ZC3H3: variants seen among roughly 807,000 people sequenced by gnomAD.
ZC3H3 encodes zinc finger CCCH-type containing 3.
ZC3H3 carries 36 observed loss-of-function variants against 77.3 expected under a neutral mutation model. The ratio of observed to expected loss-of-function variants is 0.47; its 90% CI spans 0.36 to 0.61. ZC3H3 has a LOEUF of 0.61. Ranked by LOEUF, ZC3H3 falls within the 20% of genes least tolerant of loss-of-function variation. The probability of loss-of-function intolerance (pLI) is 0.00; values close to 1 mark genes in which losing one functional copy is unlikely to be tolerated. For missense variants in ZC3H3, 1,331 were observed against 1,312.2 expected, an observed-to-expected ratio of 1.01 and a Z score of -0.22; for synonymous variants, 626 against 555.2, an observed-to-expected ratio of 1.13 and a Z score of -1.79.
At chr8:143,509,405 G>T (rs1383884061) in intron 3 of ZC3H3, among the ~76,000 whole-genome samples, 1 of 152,226 alleles carries the variant, frequency 6.6e-6, no homozygotes, top group Non-Finnish European at 1.5e-5. Context: ...GGGCTGCCCG[G>T]CTGCTCCTGC....
chr8:143,501,136 A>G (rs444753), intron 4 of ZC3H3, among the ~76,000 whole-genome samples: 2 of 151,196 alleles, frequency 1.3e-5, no homozygotes, highest in South Asian at 4.2e-4. Context: ...AGATGTCAAC[A>G]TAAGTTTTGG....
intron 4 of ZC3H3, among the ~76,000 whole-genome samples, chr8:143,492,025 G>A (rs1415215913): frequency 6.6e-6 from 1 of 152,202 alleles, no homozygotes; most frequent in Non-Finnish European, 1.5e-5. Flanking sequence ...GGGGAGGAGG[G>A]CAGAGAAGGA....
intron 1 of ZC3H3, among the ~76,000 whole-genome samples, chr8:143,540,816 C>G (rs1822986704): frequency 6.6e-6 from 1 of 152,144 alleles, no homozygotes; most frequent in Admixed American, 6.5e-5. Context: ...ATTAGCCAGG[C>G]GTTCTGGCGC....
intron 5 of ZC3H3, among the ~76,000 whole-genome samples, chr8:143,473,872 G>T (rs766444123): frequency 2.6e-5 from 4 of 152,178 alleles, no homozygotes; most frequent in African/African-American, 4.8e-5. Context: ...CTGGCCAGGG[G>T]CTTATACTTC....
rs937175945 is a variant in ZC3H3 at position 143,460,231 on chromosome 8, G to C, written c.2307+5486C>G. On this transcript the variant is annotated intron_variant, in intron 9 of 11. Coordinates refer to ENST00000262577, the MANE Select transcript of ZC3H3 (RefSeq NM_015117.3). This position sits in a 1 kb window ranked among gnomAD's most constrained non-coding sequence, Gnocchi z 4.0. ...CCATTGCACTCCAGCCTGGGCGACA[G>C]AGTGAGACTATGTCTCAAAAATAAA... 2.6e-5 allele frequency among the ~76,000 whole-genome samples: 4 copies of C among 151,240 alleles called. No individual in the cohort carries two copies. Among genetic ancestry groups the C allele is most frequent in the Admixed American group, 2.0e-4 (3 of 15,128 alleles).
intron 3 of ZC3H3, among the ~76,000 whole-genome samples, chr8:143,512,891 G>A (rs898309474): frequency 6.6e-6 from 1 of 152,214 alleles, no homozygotes; most frequent in Non-Finnish European, 1.5e-5. Flanking sequence ...TACACGCAGC[G>A]GGCAGGACCC....
In ZC3H3 at chr8:143,506,068, G is replaced by A. The variant is rs367904673; in HGVS notation, c.1715+1678C>T. ...CCGGCTGCCACCTCCTCCTCCTCCC[G>A]GCCTCCTCAGCCCCAGGGCATGGGC... On this transcript the variant is annotated intron_variant, in intron 4 of 11. Transcript: ENST00000262577. Among the ~76,000 whole-genome samples the A allele has an allele frequency of 1.9e-3, 282 of 152,322 alleles. 1 individual carries two copies. Among genetic ancestry groups the A allele is most frequent in the African/African-American group, 6.6e-3 (273 of 41,568 alleles).
Position 143,477,039 on chromosome 8 carries a change from G to A in ZC3H3, c.1716-1454C>T, listed in dbSNP as rs186114757. ...CCACCCACGAGGAGCCAACAGACCTGGTGGTACTGGGGATGGAGCAGCCCT... is the reference window on the plus strand; with the variant it reads ...CCACCCACGAGGAGCCAACAGACCTAGTGGTACTGGGGATGGAGCAGCCCT... On this transcript the variant is annotated intron_variant, in intron 4 of 11. Coordinates refer to ENST00000262577, the MANE Select transcript of ZC3H3 (RefSeq NM_015117.3). Among the ~76,000 whole-genome samples, 25 of 152,312 alleles carry A rather than the reference G, an allele frequency of 1.6e-4. No individual in the cohort carries two copies. The East Asian group carries it at 4.3e-3, about 26-fold the overall frequency.
At chr8:143,467,042 A>G (rs930357390) in intron 8 of ZC3H3, among the ~76,000 whole-genome samples, 8 of 152,228 alleles carry the variant, frequency 5.3e-5, no homozygotes, top group Admixed American at 1.3e-4. Context: ...AAAGAAACAA[A>G]GGGTGATTTA....
At chr8:143,471,715 G>A (rs545590931) in intron 5 of ZC3H3, among the ~76,000 whole-genome samples, 47 of 152,252 alleles carry the variant, frequency 3.1e-4, no homozygotes, top group South Asian at 2.1e-3. Flanking sequence ...GTCCTCTGCC[G>A]TCAGGGGCCC....
intron 3 of ZC3H3, among the ~76,000 whole-genome samples, chr8:143,522,419 A>G (rs1171400945): frequency 6.6e-6 from 1 of 152,148 alleles, no homozygotes; most frequent in Non-Finnish European, 1.5e-5. Flanking sequence ...CTTGGCCAAC[A>G]TGGTGAAACC....
intron 3 of ZC3H3, 61 bp downstream of exon 3, chr8:143,536,196 G>C: frequency 1.3e-6 from 2 of 1,540,758 alleles, no homozygotes; most frequent in African/African-American, 1.4e-5. Flanking sequence ...CTCCTAACAC[G>C]CCAGCATATC....
At chr8:143,501,553 G>A (rs934438297) in intron 4 of ZC3H3, among the ~76,000 whole-genome samples, 6 of 148,656 alleles carry the variant, frequency 4.0e-5, no homozygotes, top group African/African-American at 1.2e-4. Context: ...CTCTGATCAC[G>A]GGTGTGAGCC....
chr8:143,495,132 A>G (rs1184568354), intron 4 of ZC3H3, among the ~76,000 whole-genome samples: 2 of 152,220 alleles, frequency 1.3e-5, no homozygotes, highest in African/African-American at 4.8e-5. Flanking sequence ...CTGCACAAGG[A>G]CTCAGCAGGC....
intron 4 of ZC3H3, among the ~76,000 whole-genome samples, chr8:143,503,969 T>C (rs1478696426): frequency 1.3e-5 from 2 of 151,964 alleles, no homozygotes; most frequent in Non-Finnish European, 2.9e-5. Context: ...AGTAAGTTTC[T>C]ACTTAAATTA....
chr8:143,459,342 G>A (rs1209469966), intron 9 of ZC3H3, among the ~76,000 whole-genome samples: 13 of 152,242 alleles, frequency 8.5e-5, no homozygotes. Flanking sequence ...GAGGTCAGGA[G>A]TTTGAGACTA....
Position 143,468,559 on chromosome 8 carries a change from G to A in ZC3H3, c.1947-19C>T, listed in dbSNP as rs1329129265. ...TGCCCGGCTGCAGACGGGGAGAGAG[G>A]TGCGTGAGCCTGAGGGCGAGCAGGG... On this transcript the variant is annotated intron_variant, in intron 6 of 11. Transcript: ENST00000262577. 4 of 1,604,050 alleles carry A rather than the reference G, an allele frequency of 2.5e-6. No individual in the cohort carries two copies. Among genetic ancestry groups the A allele is most frequent in the Non-Finnish European group, 3.4e-6 (4 of 1,176,068 alleles).
chr8:143,492,059 T>A (rs145741756), intron 4 of ZC3H3, among the ~76,000 whole-genome samples: 1 of 152,102 alleles, frequency 6.6e-6, no homozygotes, highest in African/African-American at 2.4e-5. Context: ...GAGGGCACAC[T>A]ACAGAGAGCC....
intron 3 of ZC3H3, among the ~76,000 whole-genome samples, chr8:143,516,579 A>ACT (rs1303477906): frequency 2.1e-5 from 3 of 145,568 alleles, no homozygotes; most frequent in African/African-American, 7.8e-5. Context: ...ACACACACAC[A>ACT]CTCACTCTCA....
Sources: allele counts gnomAD v4.1 joint callset (sites outside exome capture counted in the v4.1 genomes callset), GRCh38; gene constraint gnomAD v4.1.1; non-coding constraint Gnocchi (gnomAD v3.1); transcripts MANE v1.5; gene names NCBI Gene and HGNC (gene_info 2026-07-23, HGNC 2026-07-21).